The following ORC3 variants were observed in gnomAD, a reference collection of about 807,000 sequenced individuals.
ORC3 encodes origin recognition complex subunit 3.
A neutral mutation model predicts 100.7 loss-of-function variants in ORC3; 78 were observed. The observed-to-expected ratio is 0.77, with a 90% confidence interval of 0.65 to 0.94. ORC3 has a LOEUF of 0.94. Ranked by LOEUF, ORC3 falls within the 40% of genes least tolerant of loss-of-function variation. The probability of loss-of-function intolerance (pLI) is 0.00; values close to 1 mark genes in which losing one functional copy is unlikely to be tolerated. For missense variants in ORC3, 789 were observed against 823.9 expected, an observed-to-expected ratio of 0.96 and a Z score of 0.52; for synonymous variants, 295 against 289.3, an observed-to-expected ratio of 1.02 and a Z score of -0.20.
intron 2 of ORC3, among the ~76,000 whole-genome samples, chr6:87,595,959 C>G (rs1777400966): frequency 1.3e-5 from 2 of 152,134 alleles, no homozygotes; most frequent in Admixed American, 1.3e-4. Context: ...CCTCAGCCTC[C>G]CAAGTACCTG....
intron 11 of ORC3, among the ~76,000 whole-genome samples, chr6:87,624,659 T>G (rs1411297916): frequency 2.0e-5 from 3 of 152,186 alleles, no homozygotes; most frequent in African/African-American, 7.2e-5. Context: ...GCTATCTATA[T>G]TTAAGAAAAT....
chr6:87,637,555 C>T (rs1767920778), intron 13 of ORC3, among the ~76,000 whole-genome samples: 1 of 152,122 alleles, frequency 6.6e-6, no homozygotes. Flanking sequence ...TATAGTATTT[C>T]TGAGACTTAT....
At chr6:87,657,496 A>T (rs1769811885) in intron 15 of ORC3, among the ~76,000 whole-genome samples, 1 of 152,196 alleles carries the variant, frequency 6.6e-6, no homozygotes, top group Non-Finnish European at 1.5e-5. Flanking sequence ...TTGTACTGTG[A>T]TACCAAATTA....
At chr6:87,622,142 C>A in intron 11 of ORC3, 129 bp downstream of exon 11, 1 of 570,524 alleles carries the variant, frequency 1.8e-6, no homozygotes. Context: ...AGTACTGGGT[C>A]TTGATAGTCA....
chr6:87,608,892 T>G (rs529004002), intron 6 of ORC3, among the ~76,000 whole-genome samples: 1 of 152,340 alleles, frequency 6.6e-6, no homozygotes, highest in South Asian at 2.1e-4. Flanking sequence ...AGATTTTTAC[T>G]GAACCTTTTT....
chr6:87,600,828 G>A (rs867535887), intron 2 of ORC3, among the ~76,000 whole-genome samples: 1 of 152,200 alleles, frequency 6.6e-6, no homozygotes, highest in Middle Eastern at 3.4e-3. Context: ...GAAAACATTT[G>A]CTATTACATA....
intron 11 of ORC3, among the ~76,000 whole-genome samples, chr6:87,628,893 A>G (rs545809765): frequency 6.6e-6 from 1 of 152,372 alleles, no homozygotes; most frequent in South Asian, 2.1e-4. Flanking sequence ...GAAAAAGGAA[A>G]ACAATCACAG....
intron 1 of ORC3, among the ~76,000 whole-genome samples, chr6:87,591,888 CA>C (rs1352151122): frequency 6.6e-6 from 1 of 152,114 alleles, no homozygotes; most frequent in Non-Finnish European, 1.5e-5. Flanking sequence ...TGCCCCACTA[CA>C]CCCAGCTAAT....
At chr6:87,629,927 G>T (rs1767263308) in intron 11 of ORC3, among the ~76,000 whole-genome samples, 1 of 152,140 alleles carries the variant, frequency 6.6e-6, no homozygotes, top group Non-Finnish European at 1.5e-5. Flanking sequence ...GATTGATGAG[G>T]TTGGAGATGA....
chr6:87,659,542 T>C (rs2128293744), intron 16 of ORC3, among the ~76,000 whole-genome samples: 1 of 152,184 alleles, frequency 6.6e-6, no homozygotes, highest in East Asian at 1.9e-4. Flanking sequence ...GAGTCATTGT[T>C]CCTAGTCATT....
intron 13 of ORC3, among the ~76,000 whole-genome samples, chr6:87,641,214 G>T (rs1316771544): frequency 6.6e-6 from 1 of 152,162 alleles, no homozygotes; most frequent in African/African-American, 2.4e-5. Context: ...TTGGATTGGG[G>T]ATAATGAAAA....
intron 13 of ORC3, among the ~76,000 whole-genome samples, chr6:87,637,252 A>G (rs1188166553): frequency 6.6e-6 from 1 of 152,204 alleles, no homozygotes; most frequent in Non-Finnish European, 1.5e-5. Context: ...TGGGCCCACA[A>G]GAAAAGAACA....
downstream of ORC3, among the ~76,000 whole-genome samples, chr6:87,670,701 T>A (rs1308443605): frequency 6.6e-6 from 1 of 152,138 alleles, no homozygotes; most frequent in Non-Finnish European, 1.5e-5. Context: ...AAACCCTGAA[T>A]CGAAGTAGGG....
intron 11 of ORC3, among the ~76,000 whole-genome samples, chr6:87,624,176 G>A (rs9450763): frequency 0.31 from 47,523 of 151,928 alleles, 7,563 homozygotes; most frequent in Admixed American, 0.41. Context: ...AAGACAGAAA[G>A]TGTCTAAGAA....
At chr6:87,613,958 G>A (rs1778971368) in intron 8 of ORC3, among the ~76,000 whole-genome samples, 1 of 152,186 alleles carries the variant, frequency 6.6e-6, no homozygotes, top group African/African-American at 2.4e-5. Flanking sequence ...CTGGGGTGTA[G>A]AGGATGGTAG....
At chr6:87,636,563 C>G (rs1767847654) in intron 13 of ORC3, 77 bp downstream of exon 13, 2 of 850,396 alleles carry the variant, frequency 2.4e-6, no homozygotes, top group Admixed American at 2.0e-5. Context: ...CTCTAGAACC[C>G]TGCCTGCCAA....
intron 18 of ORC3, 67 bp downstream of exon 18, chr6:87,664,926 G>T: frequency 1.1e-6 from 1 of 926,010 alleles, no homozygotes; most frequent in Non-Finnish European, 1.7e-6. Context: ...TCTCAGAATA[G>T]TTTTATACTT....
At chr6:87,598,386 T>C (rs1307771330) in intron 2 of ORC3, among the ~76,000 whole-genome samples, 1 of 152,162 alleles carries the variant, frequency 6.6e-6, no homozygotes, top group East Asian at 1.9e-4. Context: ...GCCATTGAAA[T>C]ATATAAGGAT....
intron 14 of ORC3, among the ~76,000 whole-genome samples, chr6:87,653,659 G>A (rs1326329763): frequency 1.3e-5 from 2 of 152,154 alleles, no homozygotes; most frequent in Non-Finnish European, 2.9e-5. Context: ...TCATCTGTAA[G>A]CTTGAAAAAT....
Sources: allele counts gnomAD v4.1 joint callset (sites outside exome capture counted in the v4.1 genomes callset), GRCh38; gene constraint gnomAD v4.1.1; transcripts MANE v1.5; gene names NCBI Gene and HGNC (gene_info 2026-07-23, HGNC 2026-07-21).